The following EDIL3 variants were observed in gnomAD, a reference collection of about 807,000 sequenced individuals.
EDIL3 encodes EGF-like repeat and discoidin I-like domain-containing protein 3.
A neutral mutation model predicts 67.4 loss-of-function variants in EDIL3; 37 were observed. The ratio of observed to expected loss-of-function variants is 0.55; its 90% CI spans 0.42 to 0.72. The LOEUF (loss-of-function observed/expected upper bound fraction) is 0.72, where lower values mean the gene tolerates loss of function less well. Among genes scored for constraint, EDIL3 ranks in the 30% least tolerant of loss-of-function variants. The probability of loss-of-function intolerance (pLI) is 0.00; values close to 1 mark genes in which losing one functional copy is unlikely to be tolerated. For synonymous variants in EDIL3, 195 were observed against 196.3 expected (o/e 0.99, Z 0.05); for missense variants, 527 against 586.3 (o/e 0.90, Z 1.04).
At chr5:84,293,122 G>A (rs559549860) in intron 1 of EDIL3, among the ~76,000 whole-genome samples, 2 of 152,062 alleles carry the variant, frequency 1.3e-5, no homozygotes, top group South Asian at 4.2e-4. Context: ...GACCTTCTAG[G>A]TGCAAGAGCC....
At chr5:83,953,346 A>G (rs1744452472) in intron 10 of EDIL3, among the ~76,000 whole-genome samples, 1 of 151,788 alleles carries the variant, frequency 6.6e-6, no homozygotes, top group Admixed American at 6.6e-5. Flanking sequence ...CTTCTTTGGG[A>G]TAAGCTAAAT....
intron 6 of EDIL3, among the ~76,000 whole-genome samples, chr5:84,077,676 T>C (rs1393101589): frequency 6.6e-6 from 1 of 152,016 alleles, no homozygotes; most frequent in African/African-American, 2.4e-5. Context: ...GACCCTCCCC[T>C]GACACATGGG....
chr5:84,112,719 T>C (rs1747585201), intron 5 of EDIL3, among the ~76,000 whole-genome samples: 1 of 152,174 alleles, frequency 6.6e-6, no homozygotes, highest in Admixed American at 6.5e-5. Flanking sequence ...CATGTTTATG[T>C]GTGCCCATCT....
intron 4 of EDIL3, among the ~76,000 whole-genome samples, chr5:84,164,347 T>C (rs1262537040): frequency 1.3e-5 from 2 of 152,238 alleles, no homozygotes; most frequent in East Asian, 3.9e-4. Flanking sequence ...CTTCAGAAAT[T>C]ATAAATATGT....
chr5:84,175,002 G>C (rs1204517721), intron 4 of EDIL3, among the ~76,000 whole-genome samples: 1 of 152,180 alleles, frequency 6.6e-6, no homozygotes, highest in African/African-American at 2.4e-5. Context: ...GCTAGGTGGA[G>C]ACTGCCAGGT....
chr5:83,943,653 C>G (rs1184287098), intron 10 of EDIL3, 85 bp from the exon 11 acceptor site: 2 of 1,490,482 alleles, frequency 1.3e-6, no homozygotes, highest in East Asian at 2.4e-5. Context: ...AACATTTTCC[C>G]CAAACATGAT....
At chr5:84,318,574 T>C (rs961364025) in intron 1 of EDIL3, among the ~76,000 whole-genome samples, 17 of 152,190 alleles carry the variant, frequency 1.1e-4, no homozygotes, top group African/African-American at 4.1e-4. Flanking sequence ...CCCTATTTAA[T>C]AACTGGTGCT....
intron 5 of EDIL3, among the ~76,000 whole-genome samples, chr5:84,135,906 G>A (rs1313561969): frequency 6.6e-6 from 1 of 151,496 alleles, no homozygotes; most frequent in African/African-American, 2.4e-5. Context: ...ACAGTAATGA[G>A]CATCCCATTT....
At chr5:84,050,536 C>T (rs963804158) in intron 9 of EDIL3, among the ~76,000 whole-genome samples, 3 of 152,202 alleles carry the variant, frequency 2.0e-5, no homozygotes, top group Non-Finnish European at 2.9e-5. Flanking sequence ...CTGGGAAGTG[C>T]AAGGGGTCAG....
At chr5:84,376,762 TTAAG>T (rs1747976229) in intron 1 of EDIL3, among the ~76,000 whole-genome samples, 2 of 152,176 alleles carry the variant, frequency 1.3e-5, no homozygotes, top group Non-Finnish European at 2.9e-5. Context: ...TCAGTATATA[TTAAG>T]TGTCTGTTTG....
chr5:84,301,673 A>T (rs1561250487), intron 1 of EDIL3, among the ~76,000 whole-genome samples: 1 of 152,194 alleles, frequency 6.6e-6, no homozygotes, highest in Non-Finnish European at 1.5e-5. Flanking sequence ...GGCCACTGTG[A>T]CTCATGACTT....
At chr5:84,319,494 C>CAAAAAAAAAAAAAAAAAAAAAAAAAAAA (rs55738450) in intron 1 of EDIL3, among the ~76,000 whole-genome samples, 41 of 42,826 alleles carry the variant, frequency 9.6e-4, no homozygotes, top group South Asian at 2.7e-3. Flanking sequence ...CAAAAAACAA[C>CAAAAAAAAAAAAAAAAAAAAAAAAAAAA]AAAAAAAAAA....
chr5:83,976,857 C>G (rs980629169), intron 9 of EDIL3, among the ~76,000 whole-genome samples: 2 of 151,748 alleles, frequency 1.3e-5, no homozygotes, highest in Non-Finnish European at 3.0e-5. Context: ...CAGGAATCTT[C>G]TGGAACTTGT....
chr5:84,156,077 C>T (rs903185447), intron 4 of EDIL3, among the ~76,000 whole-genome samples: 5 of 152,166 alleles, frequency 3.3e-5, no homozygotes, highest in Non-Finnish European at 7.4e-5. Context: ...AGTAGCAAGG[C>T]TATCCTCATC....
chr5:83,943,313 GAA>G lies in EDIL3; in HGVS notation c.*104_*105del, dbSNP rs146077789. 9.3e-3 allele frequency: 11,617 copies of G among 1,244,416 alleles called. No individual in the cohort carries two copies. Among genetic ancestry groups the G allele is most frequent in the East Asian group, 0.023 (837 of 36,382 alleles). The allele number at this position is 1,244,416 out of a possible 1,614,324, so 77.1% of individuals were successfully genotyped here. On this transcript the variant is annotated 3_prime_UTR_variant, in exon 11 of 11. Coordinates refer to ENST00000296591, the MANE Select transcript of EDIL3 (RefSeq NM_005711.5). ...TACCATAATTTGAGCACTTTTTCAT[GAA>G]AAAAAAAAAAAAACCATTCAGTTTC...
At chr5:83,983,911 A>G (rs934817032) in intron 9 of EDIL3, among the ~76,000 whole-genome samples, 21 of 152,036 alleles carry the variant, frequency 1.4e-4, no homozygotes, top group Admixed American at 6.6e-5. Flanking sequence ...AGTAGAATAT[A>G]AAGTCTGATG....
chr5:84,190,060 G>T (rs929585336), intron 3 of EDIL3, among the ~76,000 whole-genome samples: 2 of 151,886 alleles, frequency 1.3e-5, no homozygotes. Context: ...TGGCCAGTGG[G>T]ATAAACATGA....
chr5:84,101,665 G>T (rs67400819), intron 6 of EDIL3, among the ~76,000 whole-genome samples: 1 of 151,926 alleles, frequency 6.6e-6, no homozygotes, highest in African/African-American at 2.4e-5. Context: ...CTCTGAAATT[G>T]AATCAGTAAT....
rs1382037330 is a variant in EDIL3 at position 83,963,192 on chromosome 5, T to A, written c.1293+13A>T. On this transcript the variant is annotated intron_variant, in intron 10 of 10. Transcript: ENST00000296591. ...CCACTTCTGAACTTTATAAACCGAT[T>A]TGGCTGACTTACCTTATCTTTTCTT... is the stretch of plus-strand genomic sequence containing the variant. 2 of 1,585,206 alleles carry A rather than the reference T, an allele frequency of 1.3e-6. No homozygotes were observed. The highest frequency in any genetic ancestry group is 2.3e-5 in the South Asian group (2 of 85,772).
Sources: allele counts gnomAD v4.1 joint callset (sites outside exome capture counted in the v4.1 genomes callset), GRCh38; gene constraint gnomAD v4.1.1; transcripts MANE v1.5; gene names NCBI Gene and HGNC (gene_info 2026-07-23, HGNC 2026-07-21).